Variants in RGPD3 observed in about 807,000 individuals in gnomAD.
RGPD3 encodes the protein RANBP2 like and GRIP domain containing 3, also known as ranBP2-like and GRIP domain-containing protein 3.
RGPD3 carries 62 observed loss-of-function variants against 154.5 expected under a neutral mutation model. The ratio of observed to expected loss-of-function variants is 0.40; its 90% CI spans 0.33 to 0.50. RGPD3 has a LOEUF of 0.50. Ranked by LOEUF, RGPD3 falls within the 20% of genes least tolerant of loss-of-function variation. The probability of loss-of-function intolerance (pLI) is 0.59; values close to 1 mark genes in which losing one functional copy is unlikely to be tolerated. For missense variants in RGPD3, 919 were observed against 1,716.8 expected, an observed-to-expected ratio of 0.54 and a Z score of 8.21; for synonymous variants, 308 against 607.0, an observed-to-expected ratio of 0.51 and a Z score of 7.24.
chr2:106,413,156 G>T lies in RGPD3; in HGVS notation c.5194C>A (p.Leu1732Ile). 6.2e-7 allele frequency: 1 copy of T among 1,611,772 alleles called. No individual in the cohort carries two copies. Among genetic ancestry groups the T allele is most frequent in the Middle Eastern group, 2.3e-4 (1 of 4,422 alleles). The change falls in exon 22 of 23, where the codon CTT becomes ATT. Residue 1732 changes from leucine (L) to isoleucine (I), a missense_variant. Physicochemically the swap from Leu to Ile is conservative, Grantham distance 5 (BLOSUM62 2). Transcript: ENST00000409886. ...AACATCGTATTTATAACAGGAAGAA[G>T]TCTCTCTCTTTCACTACCTGGCTTC... The part of the protein sequence containing the change: ...FLKPGSERER[L>I]LPVINTMLQL...
intron 6 of RGPD3, among the ~76,000 whole-genome samples, chr2:106,448,987 CGCTGA>C (rs1274896694): frequency 6.6e-6 from 1 of 150,908 alleles, no homozygotes; most frequent in African/African-American, 2.5e-5. Context: ...CACCGCGCCC[CGCTGA>C]GCTGAGTTTT....
chr2:106,405,074 T>G lies in RGPD3; in HGVS notation c.*145A>C. On this transcript the variant is annotated 3_prime_UTR_variant, in exon 23 of 23. Transcript: ENST00000409886. ...TGTAAATGCAAACATATACACACTTTTTGACAAAAGAATGATGGTAATACA... is the reference window on the plus strand; with the variant it reads ...TGTAAATGCAAACATATACACACTTGTTGACAAAAGAATGATGGTAATACA... 9.6e-6 allele frequency: 9 copies of G among 940,726 alleles called. No individual in the cohort carries two copies. In the South Asian group the frequency reaches 1.5e-4, roughly 15 times the overall value. The allele number at this position is 940,726 out of a possible 1,614,324, so 58.3% of individuals were successfully genotyped here. A position where few individuals can be genotyped will look rare whatever the true frequency, so the allele number is the denominator to read the frequency against.
intron 22 of RGPD3, among the ~76,000 whole-genome samples, chr2:106,409,080 A>G (rs1452367061): frequency 6.6e-6 from 1 of 152,154 alleles, no homozygotes; most frequent in Non-Finnish European, 1.5e-5. Flanking sequence ...GAAAAATACT[A>G]TTATAAACTT....
intron 21 of RGPD3, among the ~76,000 whole-genome samples, chr2:106,415,559 C>T (rs1260717840): frequency 1.3e-5 from 2 of 149,612 alleles, no homozygotes; most frequent in African/African-American, 4.9e-5. Flanking sequence ...CACCTGTAGT[C>T]CCAGCTACTT....
intron 20 of RGPD3, among the ~76,000 whole-genome samples, chr2:106,421,599 C>T (rs1212746398): frequency 3.9e-5 from 6 of 151,910 alleles, no homozygotes; most frequent in South Asian, 2.1e-4. Flanking sequence ...AGTAGCCACA[C>T]TTCTAAAAAT....
chr2:106,448,102 A>C (rs1301030950), intron 6 of RGPD3, among the ~76,000 whole-genome samples: 1 of 149,222 alleles, frequency 6.7e-6, no homozygotes, highest in Non-Finnish European at 1.5e-5. Flanking sequence ...GCATTAAATA[A>C]ATTGTCTTTT....
At chr2:106,462,057 T>C (rs1386801547) in intron 1 of RGPD3, among the ~76,000 whole-genome samples, 1 of 152,026 alleles carries the variant, frequency 6.6e-6, no homozygotes, top group Admixed American at 6.5e-5. Context: ...CTAATTTTTG[T>C]ATTTTCAGTA....
chr2:106,409,871 CTTTTTT>C (rs57602292), intron 22 of RGPD3, among the ~76,000 whole-genome samples: 5 of 94,452 alleles, frequency 5.3e-5, no homozygotes, highest in Admixed American at 1.2e-4. Context: ...TTGTAGTTTA[CTTTTTT>C]TTTTTTTTTT....
chr2:106,412,321 T>TTTTTTTG (rs1676699731), intron 22 of RGPD3, among the ~76,000 whole-genome samples: 1 of 99,978 alleles, frequency 1.0e-5, no homozygotes, highest in Non-Finnish European at 2.1e-5. Flanking sequence ...TTTTTTTTTT[T>TTTTTTTG]TTTTTTTTTT....
chr2:106,418,825 C>T (rs1676893254), intron 20 of RGPD3, among the ~76,000 whole-genome samples: 1 of 150,338 alleles, frequency 6.7e-6, no homozygotes, highest in African/African-American at 2.4e-5. Context: ...GCCTTGGCCT[C>T]CCAAAGTGCT....
intron 2 of RGPD3, among the ~76,000 whole-genome samples, chr2:106,459,032 C>G (rs945647816): frequency 3.4e-5 from 5 of 146,466 alleles, no homozygotes; most frequent in African/African-American, 9.8e-5. Context: ...GTGTTTTAAG[C>G]CAAACAATTT....
At position 106,425,056 on chromosome 2, in the gene RGPD3, TA is replaced by T. The variant is rs1677152114; in HGVS notation, c.2910del (p.Phe970LeufsTer72). The T allele has an allele frequency of 1.2e-6, 2 of 1,611,874 alleles. No individual in the cohort carries two copies. Among genetic ancestry groups the T allele is most frequent in the Non-Finnish European group, 8.5e-7 (1 of 1,179,864 alleles). On this transcript the variant is annotated frameshift_variant, in exon 20 of 23. Coordinates refer to ENST00000409886, the MANE Select transcript of RGPD3 (RefSeq NM_001144013.2). LOFTEE classifies it high-confidence loss of function. ...GTTGATTTTGCAACATCTGCAAATG[TA>T]AAAGTGCTACTTGTTTGGCCAAAAA... is the stretch of plus-strand genomic sequence containing the variant. ...GVIFGQTSST[F>X]TFADVAKSTS...
intron 22 of RGPD3, among the ~76,000 whole-genome samples, chr2:106,410,611 T>C (rs540097130): frequency 1.1e-4 from 16 of 152,298 alleles, no homozygotes; most frequent in African/African-American, 3.9e-4. Context: ...AAACTTTAAT[T>C]TTAAAATGCA....
At chr2:106,449,843 C>T (rs1678055716) in intron 6 of RGPD3, among the ~76,000 whole-genome samples, 1 of 151,566 alleles carries the variant, frequency 6.6e-6, no homozygotes, top group East Asian at 2.0e-4. Flanking sequence ...CAGTGAAACC[C>T]CATCTCTACT....
rs1447209891 is a variant in RGPD3, at chr2:106,451,816, T to C, written c.782+389A>G. On this transcript the variant is annotated intron_variant, in intron 6 of 22. Transcript: ENST00000409886. ...CACCAGTGATGCTAAGTGCTTATAC[T>C]AGTACATGTGAACCTAGCCATCTGA... Among the ~76,000 whole-genome samples, 4 of 152,018 alleles carry C rather than the reference T, an allele frequency of 2.6e-5. 1 individual carries two copies. The highest frequency in any genetic ancestry group is 9.7e-5 in the African/African-American group (4 of 41,240).
intron 22 of RGPD3, chr2:106,412,814 C>T: frequency 1.6e-6 from 1 of 606,646 alleles, no homozygotes; most frequent in Non-Finnish European, 3.0e-6. Flanking sequence ...CAGAACGCAA[C>T]ACCAGGATAA....
chr2:106,415,838 T>A lies in RGPD3; in HGVS notation c.5064+12A>T. ...TGGCAGTTTTTATGGTGGCCAGGTT[T>A]TCTGATCTCACCTTAATTTGCTCCA... On this transcript the variant is annotated intron_variant, in intron 21 of 22. Transcript: ENST00000409886. The A allele has an allele frequency of 6.2e-7, 1 of 1,611,806 alleles. No individual in the cohort carries two copies. Among genetic ancestry groups the A allele is most frequent in the Admixed American group, 1.7e-5 (1 of 59,972 alleles).
chr2:106,464,320 G>C (rs1458849238), intron 1 of RGPD3, among the ~76,000 whole-genome samples: 1 of 140,152 alleles, frequency 7.1e-6, no homozygotes, highest in African/African-American at 2.7e-5. Context: ...CAGCCTGGAC[G>C]ATAGAGCGAG....
chr2:106,423,930 T>A lies in RGPD3; in HGVS notation c.4037A>T (p.Glu1346Val), dbSNP rs1002906889. The A allele has an allele frequency of 8.7e-6, 14 of 1,611,734 alleles. No homozygotes were observed. The highest frequency in any genetic ancestry group is 5.5e-5 in the South Asian group (5 of 90,966). ...TTCATTTTCCTCACCACTGGATACT[T>A]CAACTAGATCAGGTAAAGGAACAAC... ...EPVVPLPDLVEVSSGEENEQV... is the reference protein window; with the variant it reads ...EPVVPLPDLVVVSSGEENEQV... The change falls in exon 20 of 23, where the codon GAA becomes GTA. Residue 1346 changes from glutamate (E) to valine (V), a missense_variant. By Grantham distance (121) the Glu-to-Val change is moderately radical (BLOSUM62 -2). Transcript: ENST00000409886.
Sources: allele counts gnomAD v4.1 joint callset (sites outside exome capture counted in the v4.1 genomes callset), GRCh38; gene constraint gnomAD v4.1.1; transcripts MANE v1.5; gene names NCBI Gene and HGNC (gene_info 2026-07-23, HGNC 2026-07-21).